The following SPECC1 variants were observed in gnomAD, a reference collection of about 807,000 sequenced individuals.
SPECC1 encodes cytospin-B.
SPECC1 carries 62 observed loss-of-function variants against 104.1 expected under a neutral mutation model. The observed-to-expected ratio is 0.60, with a 90% confidence interval of 0.49 to 0.74. The LOEUF is 0.74. Ranked by LOEUF, SPECC1 falls within the 30% of genes least tolerant of loss-of-function variation. SPECC1 has a pLI of 0.00. For synonymous variants in SPECC1, 513 were observed against 501.6 expected (o/e 1.02, Z -0.30); for missense variants, 1,306 against 1,310.5 (o/e 1.00, Z 0.05).
intron 1 of SPECC1, among the ~76,000 whole-genome samples, chr17:20,050,414 G>A (rs2045696161): frequency 6.6e-6 from 1 of 151,992 alleles, no homozygotes; most frequent in Non-Finnish European, 1.5e-5. Flanking sequence ...TCTAGTCCAT[G>A]TCTGTTTGTC....
chr17:20,140,146 G>A (rs1379621468), intron 3 of SPECC1, among the ~76,000 whole-genome samples: 3 of 151,926 alleles, frequency 2.0e-5, no homozygotes, highest in Non-Finnish European at 4.4e-5. Flanking sequence ...GCTAAACCAG[G>A]GAAACCTAAA....
At chr17:20,051,076 CTTTCTTT>C (rs2045734237) in intron 1 of SPECC1, among the ~76,000 whole-genome samples, 4 of 57,122 alleles carry the variant, frequency 7.0e-5, no homozygotes, top group African/African-American at 2.9e-4. Context: ...CTTTTTCTTT[CTTTCTTT>C]CTTTCTTTCT....
chr17:20,210,390 G>A (rs940437403), intron 4 of SPECC1, among the ~76,000 whole-genome samples: 1 of 152,206 alleles, frequency 6.6e-6, no homozygotes, highest in African/African-American at 2.4e-5. Context: ...CAGTGCTGTG[G>A]TTCTGGACCT....
intron 5 of SPECC1, among the ~76,000 whole-genome samples, 162 bp downstream of exon 5, chr17:20,227,782 G>A (rs1240924859): frequency 6.6e-6 from 1 of 152,202 alleles, no homozygotes; most frequent in Non-Finnish European, 1.5e-5. Flanking sequence ...GGGCGTGGTG[G>A]TGGGCGCCTG....
chr17:20,123,997 A>G (rs1456619670), intron 3 of SPECC1, among the ~76,000 whole-genome samples: 1 of 152,166 alleles, frequency 6.6e-6, no homozygotes, highest in Non-Finnish European at 1.5e-5. Flanking sequence ...AAAGAAAACC[A>G]TGGATGGGTT....
chr17:20,109,525 T>C (rs1438124147), intron 2 of SPECC1, among the ~76,000 whole-genome samples: 1 of 152,186 alleles, frequency 6.6e-6, no homozygotes, highest in Non-Finnish European at 1.5e-5. Flanking sequence ...CTTCAGCACC[T>C]TTTAGCAAAT....
chr17:20,259,017 T>TA (rs1339791224), intron 11 of SPECC1, among the ~76,000 whole-genome samples: 3 of 152,266 alleles, frequency 2.0e-5, no homozygotes, highest in Non-Finnish European at 4.4e-5. Flanking sequence ...TAGTAAAACT[T>TA]ACGAGTGAGT....
At chr17:20,214,913 T>A (rs1482982397) in intron 4 of SPECC1, among the ~76,000 whole-genome samples, 1 of 152,228 alleles carries the variant, frequency 6.6e-6, no homozygotes, top group African/African-American at 2.4e-5. Flanking sequence ...AGCCTATTCA[T>A]AGATCTCCAG....
intron 5 of SPECC1, among the ~76,000 whole-genome samples, chr17:20,230,413 G>T (rs1449331512): frequency 6.6e-6 from 1 of 152,182 alleles, no homozygotes; most frequent in African/African-American, 2.4e-5. Flanking sequence ...CATCCAGGCT[G>T]TTCTCAGGAT....
chr17:20,259,301 G>A (rs2039943710), intron 11 of SPECC1, among the ~76,000 whole-genome samples: 1 of 152,144 alleles, frequency 6.6e-6, no homozygotes, highest in South Asian at 2.1e-4. Flanking sequence ...AATTAGTGCT[G>A]TTCTGAAGTT....
intron 3 of SPECC1, among the ~76,000 whole-genome samples, chr17:20,122,747 A>T (rs1018564998): frequency 6.6e-6 from 1 of 152,144 alleles, no homozygotes; most frequent in African/African-American, 2.4e-5. Context: ...TCCTTTTGCA[A>T]CCGGCTTATT....
rs2041752233 is a variant in SPECC1, at chr17:20,306,042, C to G, written c.3077C>G (p.Ala1026Gly). ...ACTTAGAAGAGGAATCTCTTGTTGG[C>G]ATTTGAAGCGGCTGAAAGTGTAGGC... Reference protein sequence around the residue: ...SQEKKRNLLLAFEAAESVGIK... With the variant: ...SQEKKRNLLLGFEAAESVGIK... Residue 1026 changes from alanine to glycine, a missense_variant, in exon 14 of 15, where the codon GCA becomes GGA. This residue lies in a region of SPECC1 where 129 missense variants were observed against 170.6 expected (regional missense o/e 0.76). Transcript: ENST00000395527. The G allele has an allele frequency of 6.2e-7, 1 of 1,613,872 alleles. No homozygotes were observed. The highest frequency in any genetic ancestry group is 8.5e-7 in the Non-Finnish European group (1 of 1,179,938).
chr17:20,129,633 C>G (rs550907586), intron 3 of SPECC1, among the ~76,000 whole-genome samples: 12 of 152,196 alleles, frequency 7.9e-5, no homozygotes, highest in Admixed American at 4.6e-4. Flanking sequence ...TTTCACAGAC[C>G]AAAAATTTTA....
Position 20,303,654 on chromosome 17 carries a change from A to C in SPECC1, c.3058-2369A>C, listed in dbSNP as rs113730006. ...ATAATTATGTATAAAATCTAAACAT[A>C]CAAAATTAAGAAATTTGGACAGGTG... On this transcript the variant is annotated intron_variant, in intron 13 of 14. Transcript: ENST00000395527. Among the ~76,000 whole-genome samples the C allele has an allele frequency of 2.6e-4, 40 of 152,316 alleles. 2 individuals carry two copies. The highest frequency in any genetic ancestry group is 9.4e-4 in the African/African-American group (39 of 41,558).
chr17:20,168,446 T>C (rs994463330), intron 3 of SPECC1, among the ~76,000 whole-genome samples: 3 of 152,166 alleles, frequency 2.0e-5, no homozygotes, highest in African/African-American at 7.2e-5. Context: ...ATAGTCTGGA[T>C]CTTTTCTGAA....
chr17:20,252,419 C>G (rs542599753), intron 9 of SPECC1, among the ~76,000 whole-genome samples: 63 of 152,114 alleles, frequency 4.1e-4, no homozygotes, highest in Non-Finnish European at 6.8e-4. Context: ...TTGCCTCCCC[C>G]TCCTCTAGCA....
chr17:20,144,478 A>G (rs2031237530), intron 3 of SPECC1, among the ~76,000 whole-genome samples: 1 of 152,060 alleles, frequency 6.6e-6, no homozygotes, highest in South Asian at 2.1e-4. Context: ...GGTGTGAGCC[A>G]CTGTGCCCAG....
chr17:20,034,042 T>C (rs1319487162), intron 1 of SPECC1, among the ~76,000 whole-genome samples: 3 of 152,166 alleles, frequency 2.0e-5, no homozygotes, highest in East Asian at 1.9e-4. Context: ...TAAATACTAA[T>C]ACAATTAAAT....
chr17:20,233,761 T>G (rs1422325193), intron 7 of SPECC1, among the ~76,000 whole-genome samples: 1 of 152,240 alleles, frequency 6.6e-6, no homozygotes, highest in African/African-American at 2.4e-5. Flanking sequence ...GGTTTCACAG[T>G]GTTCCCTACT....
Sources: allele counts gnomAD v4.1 joint callset (sites outside exome capture counted in the v4.1 genomes callset), GRCh38; gene constraint gnomAD v4.1.1; regional missense constraint gnomAD v4.1.1; transcripts MANE v1.5; gene names NCBI Gene and HGNC (gene_info 2026-07-23, HGNC 2026-07-21).